The following GRB10 variants were observed in gnomAD, a reference collection of about 807,000 sequenced individuals.
GRB10 encodes the protein growth factor receptor-bound protein 10.
Under a neutral mutation model 80.9 loss-of-function variants are expected in GRB10, and 20 were observed. The ratio of observed to expected loss-of-function variants is 0.25; its 90% CI spans 0.17 to 0.36. The LOEUF (loss-of-function observed/expected upper bound fraction) is 0.36, where lower values mean the gene tolerates loss of function less well. GRB10 is among the 10% of genes least tolerant of loss of function. GRB10 has a pLI of 1.00. For missense variants in GRB10, 548 were observed against 747.7 expected (o/e 0.73, Z 3.12); for synonymous variants, 291 against 291.5 (o/e 1.00, Z 0.02).
chr7:50,611,091 T>C (rs1022609793), intron 13 of GRB10, among the ~76,000 whole-genome samples: 5 of 152,170 alleles, frequency 3.3e-5, no homozygotes, highest in African/African-American at 1.2e-4. Flanking sequence ...CCGCTGCCCC[T>C]ATCTGCACAG....
chr7:50,674,340 C>G, intron 6 of GRB10, 96 bp downstream of exon 6: 1 of 1,228,638 alleles, frequency 8.1e-7, no homozygotes, highest in Non-Finnish European at 1.2e-6. Context: ...AAGACCAACA[C>G]TATTCCCCCC....
Position 50,782,174 on chromosome 7 carries a change from A to G in GRB10, c.-327+250T>C, listed in dbSNP as rs2153714018. ...ACTCGTTACATAATATTAAACAATTAAGATTAAAAATGGTTACATAATACT... is the reference window on the plus strand; with the variant it reads ...ACTCGTTACATAATATTAAACAATTGAGATTAAAAATGGTTACATAATACT... On this transcript the variant is annotated intron_variant, in intron 1 of 18. Transcript: ENST00000401949. This position sits in a 1 kb window ranked among gnomAD's most constrained non-coding sequence, Gnocchi z 6.6. Among the ~76,000 whole-genome samples, 1 of 152,296 alleles carries G rather than the reference A, an allele frequency of 6.6e-6. No homozygotes were observed. Among genetic ancestry groups the G allele is most frequent in the African/African-American group, 2.4e-5 (1 of 41,566 alleles).
chr7:50,600,508 A>T (rs1024769934), intron 17 of GRB10, among the ~76,000 whole-genome samples: 1 of 152,182 alleles, frequency 6.6e-6, no homozygotes, highest in Non-Finnish European at 1.5e-5. Flanking sequence ...CCAAACAAAG[A>T]CCAAAAATGA....
At chr7:50,688,239 C>A (rs567702018) in intron 5 of GRB10, among the ~76,000 whole-genome samples, 1 of 152,256 alleles carries the variant, frequency 6.6e-6, no homozygotes, top group South Asian at 2.1e-4. Flanking sequence ...TCAGTTTTCC[C>A]AGATTTAAAA....
At chr7:50,614,999 C>A in intron 11 of GRB10, 119 bp from the exon 12 acceptor site, 1 of 723,506 alleles carries the variant, frequency 1.4e-6, no homozygotes, top group East Asian at 2.6e-5. Flanking sequence ...TGACACTATA[C>A]ATATTACATA....
intron 17 of GRB10, among the ~76,000 whole-genome samples, chr7:50,597,309 G>C (rs1267480570): frequency 1.3e-5 from 2 of 152,238 alleles, no homozygotes; most frequent in African/African-American, 4.8e-5. Flanking sequence ...GGCTTGGTCA[G>C]GCCAGATGGG....
At chr7:50,724,924 T>C (rs994711388) in intron 4 of GRB10, among the ~76,000 whole-genome samples, 30 of 152,296 alleles carry the variant, frequency 2.0e-4, no homozygotes, top group African/African-American at 7.2e-4. Context: ...AAGAAAACAG[T>C]TGAATCAAGG....
intron 5 of GRB10, among the ~76,000 whole-genome samples, chr7:50,683,061 G>A (rs117843927): frequency 6.6e-6 from 1 of 152,250 alleles, no homozygotes; most frequent in Non-Finnish European, 1.5e-5. Flanking sequence ...ACCCAAAGGC[G>A]GAAACAGCAC....
chr7:50,771,745 C>A (rs2076999518), intron 2 of GRB10, among the ~76,000 whole-genome samples: 1 of 152,206 alleles, frequency 6.6e-6, no homozygotes, highest in Non-Finnish European at 1.5e-5. Context: ...CAGGCCTCCC[C>A]ACAGCTTCAG....
intron 4 of GRB10, among the ~76,000 whole-genome samples, chr7:50,704,492 T>G (rs532791777): frequency 6.6e-6 from 1 of 152,316 alleles, no homozygotes; most frequent in East Asian, 1.9e-4. Flanking sequence ...TACATTCAAA[T>G]GTGGGGAAAG....
intron 4 of GRB10, chr7:50,727,203 T>C (rs930746282): frequency 3.9e-5 from 6 of 152,206 alleles, no homozygotes; most frequent in African/African-American, 1.4e-4. Flanking sequence ...TTGCAGGCTG[T>C]CGAATATGTT....
chr7:50,717,843 T>A (rs1342788754), intron 4 of GRB10, among the ~76,000 whole-genome samples: 1 of 152,202 alleles, frequency 6.6e-6, no homozygotes, highest in Non-Finnish European at 1.5e-5. Context: ...GATACACAGA[T>A]CGGTTCACCC....
intron 3 of GRB10, among the ~76,000 whole-genome samples, chr7:50,739,438 A>G (rs1459683094): frequency 6.6e-6 from 1 of 152,116 alleles, no homozygotes; most frequent in Non-Finnish European, 1.5e-5. Context: ...AGTCAAATAG[A>G]CATCTTCTAA....
At chr7:50,695,182 T>C (rs1469457976) in intron 5 of GRB10, among the ~76,000 whole-genome samples, 1 of 152,170 alleles carries the variant, frequency 6.6e-6, no homozygotes, top group Admixed American at 6.5e-5. Flanking sequence ...TCAAGAAAAA[T>C]ACTCAGAGTG....
At chr7:50,727,961 C>A (rs1176584696) in intron 4 of GRB10, 2 of 152,190 alleles carry the variant, frequency 1.3e-5, no homozygotes, top group Non-Finnish European at 1.5e-5. Flanking sequence ...GTAGTCAACA[C>A]ACTGCCTGTT....
chr7:50,595,344 T>G, intron 18 of GRB10, 93 bp downstream of exon 18: 1 of 785,016 alleles, frequency 1.3e-6, no homozygotes, highest in Non-Finnish European at 2.3e-6. Flanking sequence ...GTCTGATACT[T>G]ACCGGTCTTG....
At chr7:50,747,641 G>T (rs541514200) in intron 3 of GRB10, 1 of 152,170 alleles carries the variant, frequency 6.6e-6, no homozygotes, top group East Asian at 1.9e-4. Flanking sequence ...CATGGAGCAG[G>T]GCAGCTCCAT....
At chr7:50,723,986 G>A (rs868518290) in intron 4 of GRB10, among the ~76,000 whole-genome samples, 22 of 152,232 alleles carry the variant, frequency 1.4e-4, no homozygotes, top group African/African-American at 3.4e-4. Flanking sequence ...AAAGCACAGC[G>A]GAGTCACATC....
chr7:50,740,427 G>A (rs891171984), intron 3 of GRB10, among the ~76,000 whole-genome samples: 1 of 152,216 alleles, frequency 6.6e-6, no homozygotes, highest in African/African-American at 2.4e-5. Flanking sequence ...ATAAGGGTAA[G>A]TTGTACAATT....
Sources: allele counts gnomAD v4.1 joint callset (sites outside exome capture counted in the v4.1 genomes callset), GRCh38; gene constraint gnomAD v4.1.1; non-coding constraint Gnocchi (gnomAD v3.1); transcripts MANE v1.5; gene names NCBI Gene and HGNC (gene_info 2026-07-23, HGNC 2026-07-21).